PPME1: variants seen among roughly 807,000 people sequenced by gnomAD.
PPME1 encodes the protein testicular secretory protein Li 39.
In PPME1, 17 loss-of-function variants were observed where a neutral mutation model predicts 56.9. The observed-to-expected ratio is 0.30, with a 90% confidence interval of 0.20 to 0.45. The LOEUF is 0.45. PPME1 is among the 20% of genes least tolerant of loss of function. PPME1 has a pLI of 1.00. For missense variants in PPME1, 357 were observed against 483.2 expected (o/e 0.74, Z 2.45); for synonymous variants, 122 against 156.2 (o/e 0.78, Z 1.63).
At chr11:74,223,413 G>T (rs1591050803) in intron 4 of PPME1, among the ~76,000 whole-genome samples, 3 of 146,088 alleles carry the variant, frequency 2.1e-5, no homozygotes, top group African/African-American at 8.4e-5. Context: ...ACGTGTGCCT[G>T]TGTCTTTATA....
At position 74,254,491 on chromosome 11, in the gene PPME1, A is replaced by G. The variant is rs1373362036; in HGVS notation, c.*981A>G. 6.5e-6 allele frequency: 1 copy of G among 152,724 alleles called. No homozygotes were observed. The highest frequency in any genetic ancestry group is 1.5e-5 in the Non-Finnish European group (1 of 68,132). The allele number at this position is 152,724 out of a possible 1,614,324, so 9.5% of individuals were successfully genotyped here. ...CGACACAGCACTGTGGCCTGTCCCTATTGCCCAGGCACGCCATTTCCAAGG... is the reference window on the plus strand; with the variant it reads ...CGACACAGCACTGTGGCCTGTCCCTGTTGCCCAGGCACGCCATTTCCAAGG... On this transcript the variant is annotated 3_prime_UTR_variant, in exon 14 of 14. Coordinates refer to ENST00000328257, the MANE Select transcript of PPME1 (RefSeq NM_016147.3).
At chr11:74,215,164 G>A (rs969058006) in intron 3 of PPME1, among the ~76,000 whole-genome samples, 8 of 152,094 alleles carry the variant, frequency 5.3e-5, no homozygotes, top group African/African-American at 1.4e-4. Flanking sequence ...TGGACAACAC[G>A]GTGAGACCAC....
intron 9 of PPME1, 91 bp from the exon 10 acceptor site, chr11:74,245,985 C>G (rs1859492233): frequency 6.9e-7 from 1 of 1,439,202 alleles, no homozygotes; most frequent in South Asian, 1.4e-5. Context: ...TGCTAGTTTC[C>G]TTCCCTTTCC....
intron 1 of PPME1, among the ~76,000 whole-genome samples, chr11:74,175,831 T>G (rs1208531375): frequency 2.0e-5 from 3 of 152,222 alleles, no homozygotes; most frequent in Non-Finnish European, 4.4e-5. Context: ...ACTGAAATGT[T>G]CATTGACTTG....
At chr11:74,219,107 C>A (rs1858730882) in intron 3 of PPME1, among the ~76,000 whole-genome samples, 1 of 152,008 alleles carries the variant, frequency 6.6e-6, no homozygotes, top group African/African-American at 2.4e-5. Context: ...GGAATATATT[C>A]ATATGGCAGA....
At chr11:74,234,247 T>C (rs1434723064) in intron 7 of PPME1, among the ~76,000 whole-genome samples, 1 of 152,160 alleles carries the variant, frequency 6.6e-6, no homozygotes, top group African/African-American at 2.4e-5. Flanking sequence ...TTATTACATA[T>C]GTAAGTAGAA....
Position 74,210,907 on chromosome 11 carries a change from AAAAC to A in PPME1, c.288+6465_288+6468del, listed in dbSNP as rs535611872. ...GGAGTTTCTAGTCAAACAATACAAA[AAAAC>A]AAGTTTTAAATATTTGAAAAAAGTA... On this transcript the variant is annotated intron_variant, in intron 3 of 13. Coordinates refer to ENST00000328257, the MANE Select transcript of PPME1 (RefSeq NM_016147.3). 2.5e-4 allele frequency among the ~76,000 whole-genome samples: 38 copies of A among 152,348 alleles called. No individual in the cohort carries two copies. The East Asian group carries it at 6.9e-3, about 28-fold the overall frequency.
At chr11:74,238,069 T>C (rs961220528) in intron 8 of PPME1, 2 of 152,208 alleles carry the variant, frequency 1.3e-5, no homozygotes, top group Non-Finnish European at 2.9e-5. Context: ...GTCACATAGA[T>C]AGCTGGAACT....
intron 3 of PPME1, among the ~76,000 whole-genome samples, chr11:74,215,575 A>G (rs1373500649): frequency 1.3e-5 from 2 of 152,316 alleles, no homozygotes; most frequent in South Asian, 2.1e-4. Flanking sequence ...ACCAGAGAAA[A>G]TCACCTGCAC....
chr11:74,251,340 C>G, intron 12 of PPME1: 1 of 1,356,040 alleles, frequency 7.4e-7, no homozygotes, highest in Non-Finnish European at 9.5e-7. Flanking sequence ...CTCCCTAAAC[C>G]ACAGGCACAG....
At chr11:74,237,164 G>T (rs986798644) in intron 8 of PPME1, among the ~76,000 whole-genome samples, 1 of 148,978 alleles carries the variant, frequency 6.7e-6, no homozygotes, top group East Asian at 1.9e-4. Flanking sequence ...CTTATATTCT[G>T]TGTAAATAGT....
At chr11:74,228,928 C>A (rs1246105133) in intron 5 of PPME1, among the ~76,000 whole-genome samples, 1 of 152,154 alleles carries the variant, frequency 6.6e-6, no homozygotes, top group Non-Finnish European at 1.5e-5. Context: ...TTCGTCTTAA[C>A]TATTTGTTAT....
At chr11:74,182,428 C>T (rs1367091990) in intron 1 of PPME1, among the ~76,000 whole-genome samples, 1 of 151,604 alleles carries the variant, frequency 6.6e-6, no homozygotes, top group Non-Finnish European at 1.5e-5. Context: ...GGCATGATCT[C>T]GGTTCACTGC....
At chr11:74,202,060 A>T (rs1325729095) in intron 1 of PPME1, among the ~76,000 whole-genome samples, 1 of 152,214 alleles carries the variant, frequency 6.6e-6, no homozygotes, top group African/African-American at 2.4e-5. Flanking sequence ...CAAATGCTAG[A>T]TGTATTAGAT....
intron 4 of PPME1, 27 bp downstream of exon 4, chr11:74,222,396 A>G (rs1351867849): frequency 6.4e-7 from 1 of 1,560,780 alleles, no homozygotes; most frequent in South Asian, 1.1e-5. Context: ...ATTAGCCATT[A>G]ACTGGATTAT....
chr11:74,185,219 C>T (rs1857646936), intron 1 of PPME1, among the ~76,000 whole-genome samples: 1 of 151,800 alleles, frequency 6.6e-6, no homozygotes, highest in Non-Finnish European at 1.5e-5. Flanking sequence ...AGGCTGGTCT[C>T]GAACTCCTGA....
At chr11:74,251,778 T>G (rs1263106553) in intron 13 of PPME1, 63 bp downstream of exon 13, 2 of 1,584,112 alleles carry the variant, frequency 1.3e-6, no homozygotes, top group Admixed American at 1.7e-5. Context: ...AGCAGACACT[T>G]GTAGGACTGT....
rs774766774 is a variant in PPME1, at chr11:74,246,084, A to G, written c.843A>G (p.Lys281=). Residue 281 remains lysine (K), a synonymous_variant, in exon 10 of 14, where the codon AAA becomes AAG. Coordinates refer to ENST00000328257, the MANE Select transcript of PPME1 (RefSeq NM_016147.3). ...RKKEDDMETK[K]DHPYTWRIEL... ...TGCTCTTATTCCTCCAGACCAAGAA[A>G]GACCATCCATACACCTGGAGAATTG... The G allele has an allele frequency of 3.2e-6, 5 of 1,580,672 alleles. No individual in the cohort carries two copies. Among genetic ancestry groups the G allele is most frequent in the Admixed American group, 1.8e-5 (1 of 55,396 alleles).
chr11:74,251,825 C>G, intron 13 of PPME1, 110 bp downstream of exon 13: 1 of 1,355,054 alleles, frequency 7.4e-7, no homozygotes, highest in Non-Finnish European at 1.1e-6. Context: ...GTTTGGTCAC[C>G]ATGCCTTTCT....
Sources: allele counts gnomAD v4.1 joint callset (sites outside exome capture counted in the v4.1 genomes callset), GRCh38; gene constraint gnomAD v4.1.1; transcripts MANE v1.5; gene names NCBI Gene and HGNC (gene_info 2026-07-23, HGNC 2026-07-21).